Variants in EGFLAM observed in about 807,000 individuals in gnomAD.
EGFLAM encodes pikachurin.
In EGFLAM, 79 loss-of-function variants were observed where a neutral mutation model predicts 113.1. The observed-to-expected ratio is 0.70, with a 90% confidence interval of 0.58 to 0.84. The LOEUF (loss-of-function observed/expected upper bound fraction) is 0.84. Ranked by LOEUF, EGFLAM falls within the 40% of genes least tolerant of loss-of-function variation. The pLI is 0.00. For missense variants in EGFLAM, 1,265 were observed against 1,291.6 expected, an observed-to-expected ratio of 0.98 and a Z score of 0.32; for synonymous variants, 504 against 487.6, an observed-to-expected ratio of 1.03 and a Z score of -0.44.
At chr5:38,320,046 C>G (rs533226236) in intron 1 of EGFLAM, among the ~76,000 whole-genome samples, 1 of 152,254 alleles carries the variant, frequency 6.6e-6, no homozygotes, top group African/African-American at 2.4e-5. Flanking sequence ...GAGAACAGGG[C>G]CCAGTTAAAA....
intron 5 of EGFLAM, among the ~76,000 whole-genome samples, chr5:38,366,564 T>G (rs1433610036): frequency 6.6e-6 from 1 of 152,174 alleles, no homozygotes; most frequent in African/African-American, 2.4e-5. Context: ...GATTGTTCAC[T>G]AAGATTGAGA....
chr5:38,275,523 A>C (rs1757864779), intron 1 of EGFLAM, among the ~76,000 whole-genome samples: 1 of 152,234 alleles, frequency 6.6e-6, no homozygotes, highest in South Asian at 2.1e-4. Flanking sequence ...CGGATATAAC[A>C]GTTGTAAATA....
At chr5:38,294,790 A>G (rs1758415185) in intron 1 of EGFLAM, among the ~76,000 whole-genome samples, 1 of 152,168 alleles carries the variant, frequency 6.6e-6, no homozygotes, top group African/African-American at 2.4e-5. Flanking sequence ...GGTTTAACTT[A>G]AAATCTACCT....
At chr5:38,347,134 A>G (rs1464444658) in intron 3 of EGFLAM, among the ~76,000 whole-genome samples, 1 of 152,160 alleles carries the variant, frequency 6.6e-6, no homozygotes, top group African/African-American at 2.4e-5. Flanking sequence ...TGCTAATCCA[A>G]GGCCTGGGGC....
intron 6 of EGFLAM, among the ~76,000 whole-genome samples, chr5:38,371,137 C>T (rs931451332): frequency 1.3e-5 from 2 of 152,166 alleles, no homozygotes; most frequent in African/African-American, 2.4e-5. Context: ...CCATTTTAGA[C>T]GTTTTTTGTA....
intron 6 of EGFLAM, among the ~76,000 whole-genome samples, chr5:38,384,846 T>C (rs1740614734): frequency 6.6e-6 from 1 of 152,082 alleles, no homozygotes; most frequent in Admixed American, 6.6e-5. Flanking sequence ...AGATTTCAAC[T>C]GGGGGTGATT....
rs1308940952 is a variant in EGFLAM, at chr5:38,463,901, A to T, written c.2945A>T (p.His982Leu). The part of the protein sequence containing the change: ...YMRGLVGCIS[H>L]FTLSTDYHIS... ...AGAGGGCTCGTGGGCTGTATCTCTC[A>T]CTTCACCCTGTCCACCGATTACCAC... is the stretch of plus-strand genomic sequence containing the variant. Residue 982 changes from histidine to leucine, a missense_variant, in exon 22 of 22, where the codon CAC becomes CTC. By Grantham distance (99) the His-to-Leu change is moderately conservative. Transcript: ENST00000322350. 2 of 1,614,176 alleles carry T rather than the reference A, an allele frequency of 1.2e-6. No individual in the cohort carries two copies. Among genetic ancestry groups the T allele is most frequent in the African/African-American group, 2.7e-5 (2 of 75,030 alleles).
At chr5:38,364,898 G>A (rs545571399) in intron 5 of EGFLAM, among the ~76,000 whole-genome samples, 5 of 152,232 alleles carry the variant, frequency 3.3e-5, no homozygotes, top group African/African-American at 9.6e-5. Flanking sequence ...GTAACCCAGC[G>A]TCCTCCAGAA....
intron 15 of EGFLAM, among the ~76,000 whole-genome samples, chr5:38,432,051 G>A (rs1329533698): frequency 6.6e-6 from 1 of 152,094 alleles, no homozygotes; most frequent in Non-Finnish European, 1.5e-5. Flanking sequence ...ATTTTTAAGA[G>A]GAAGTCAGGG....
chr5:38,313,911 C>A (rs1468217441), intron 1 of EGFLAM, among the ~76,000 whole-genome samples: 1 of 152,066 alleles, frequency 6.6e-6, no homozygotes, highest in Non-Finnish European at 1.5e-5. Flanking sequence ...CGATATTAAT[C>A]TTTGTCTGTC....
chr5:38,303,243 A>C (rs2434503), intron 1 of EGFLAM, among the ~76,000 whole-genome samples: 3,308 of 152,314 alleles, frequency 0.022, 149 homozygotes, highest in African/African-American at 0.076. Flanking sequence ...AATTTAGGGG[A>C]GAGGCAGCTG....
In EGFLAM at chr5:38,437,890, G is replaced by A. The variant is rs375133272; in HGVS notation, c.2284-385G>A. 5.9e-5 allele frequency among the ~76,000 whole-genome samples: 9 copies of A among 152,272 alleles called. No homozygotes were observed. The South Asian group carries it at 1.0e-3, about 18-fold the overall frequency. ...TGTAATCCCAGCACTTTGGGAGGCT[G>A]AAGTGGGCGGATCACCTGAGGTCAG... On this transcript the variant is annotated intron_variant, in intron 16 of 21. Coordinates refer to ENST00000322350, the MANE Select transcript of EGFLAM (RefSeq NM_152403.4).
At chr5:38,326,157 G>GT (rs1162518613) in intron 1 of EGFLAM, among the ~76,000 whole-genome samples, 1 of 152,164 alleles carries the variant, frequency 6.6e-6, no homozygotes, top group Non-Finnish European at 1.5e-5. Context: ...CCCAGACACT[G>GT]TGAGACCTGG....
At chr5:38,403,574 G>A in intron 6 of EGFLAM, 1 of 391,968 alleles carries the variant, frequency 2.6e-6, no homozygotes, top group Non-Finnish European at 4.7e-6. Context: ...ATGGGGCAGG[G>A]AGCATATGGA....
intron 6 of EGFLAM, among the ~76,000 whole-genome samples, chr5:38,373,094 T>G (rs1020435323): frequency 7.9e-5 from 12 of 152,164 alleles, no homozygotes; most frequent in African/African-American, 2.4e-5. Context: ...ATTTGAAGTA[T>G]CAGAGCTACC....
At chr5:38,308,598 G>A (rs1191087434) in intron 1 of EGFLAM, among the ~76,000 whole-genome samples, 1 of 152,064 alleles carries the variant, frequency 6.6e-6, no homozygotes, top group Non-Finnish European at 1.5e-5. Flanking sequence ...TACTTTTAGG[G>A]TCACCCCAAG....
intron 6 of EGFLAM, chr5:38,403,770 G>A: frequency 2.5e-6 from 4 of 1,595,342 alleles, no homozygotes; most frequent in Non-Finnish European, 8.6e-7. Context: ...CAGATAAGGG[G>A]GACTGCTTGC....
chr5:38,271,263 G>A (rs1214071424), intron 1 of EGFLAM, among the ~76,000 whole-genome samples: 1 of 152,136 alleles, frequency 6.6e-6, no homozygotes, highest in Non-Finnish European at 1.5e-5. Flanking sequence ...AATTTCTTTA[G>A]CTACTTTTTT....
intron 3 of EGFLAM, among the ~76,000 whole-genome samples, chr5:38,349,477 T>C (rs1365188341): frequency 6.6e-6 from 1 of 152,198 alleles, no homozygotes; most frequent in African/African-American, 2.4e-5. Context: ...AAGATGGTTA[T>C]ATGTCATGCC....
Sources: allele counts gnomAD v4.1 joint callset (sites outside exome capture counted in the v4.1 genomes callset), GRCh38; gene constraint gnomAD v4.1.1; transcripts MANE v1.5; gene names NCBI Gene and HGNC (gene_info 2026-07-23, HGNC 2026-07-21).